Variants in ASIC2 observed in about 807,000 individuals in gnomAD.
ASIC2 encodes acid-sensing ion channel 2.
Under a neutral mutation model 57.3 loss-of-function variants are expected in ASIC2, and 25 were observed. That is an observed-to-expected ratio of 0.44 (90% CI 0.32 to 0.61). ASIC2 has a LOEUF of 0.61. ASIC2 is among the 20% of genes least tolerant of loss of function. ASIC2 has a pLI of 0.06. For missense variants in ASIC2, 641 were observed against 738.1 expected, an observed-to-expected ratio of 0.87 and a Z score of 1.52; for synonymous variants, 319 against 307.5, an observed-to-expected ratio of 1.04 and a Z score of -0.39.
intron 1 of ASIC2, among the ~76,000 whole-genome samples, chr17:33,836,670 T>A (rs1052367370): frequency 6.6e-6 from 1 of 151,886 alleles, no homozygotes; most frequent in Non-Finnish European, 1.5e-5. Context: ...TTGACCAACA[T>A]GGTGAAACGC....
intron 1 of ASIC2, among the ~76,000 whole-genome samples, chr17:33,632,848 T>G (rs1906218890): frequency 6.6e-6 from 1 of 152,194 alleles, no homozygotes; most frequent in South Asian, 2.1e-4. Context: ...TTATGTTGCA[T>G]TTACTTTCTA....
At chr17:34,092,771 G>T (rs1342723553) in intron 1 of ASIC2, among the ~76,000 whole-genome samples, 1 of 152,094 alleles carries the variant, frequency 6.6e-6, no homozygotes, top group African/African-American at 2.4e-5. Flanking sequence ...TATAGCTGAA[G>T]CCCTCCATGG....
At chr17:33,967,009 T>C (rs1315377056) in intron 1 of ASIC2, among the ~76,000 whole-genome samples, 2 of 151,974 alleles carry the variant, frequency 1.3e-5, no homozygotes, top group African/African-American at 4.8e-5. Context: ...CAGTGACACC[T>C]CACACTCTAT....
intron 1 of ASIC2, among the ~76,000 whole-genome samples, chr17:34,114,302 G>C (rs1454211935): frequency 6.6e-6 from 1 of 152,174 alleles, no homozygotes; most frequent in African/African-American, 2.4e-5. Context: ...TTGGCTCATA[G>C]CAAAGGGAGG....
Position 33,804,889 on chromosome 17 carries a change from T to C in ASIC2, c.555+351089A>G, listed in dbSNP as rs549945381. ...TTTTGCATTTGTTTTTGATCTCTCT[T>C]TTTTTTTTTAATTAACTCAGGTCAT... On this transcript the variant is annotated intron_variant, in intron 1 of 9. Transcript: ENST00000359872. Among the ~76,000 whole-genome samples, 83 of 123,740 alleles carry C rather than the reference T, an allele frequency of 6.7e-4. 1 individual carries two copies. The highest frequency in any genetic ancestry group is 3.7e-3 in the Middle Eastern group (1 of 268). The allele number at this position is 123,740 out of a possible 152,430, so 81.2% of individuals were successfully genotyped here. A position where few individuals can be genotyped will look rare whatever the true frequency, so the allele number is the denominator to read the frequency against.
intron 1 of ASIC2, among the ~76,000 whole-genome samples, chr17:33,592,682 C>T: frequency 6.6e-6 from 1 of 151,898 alleles, no homozygotes; most frequent in South Asian, 2.1e-4. Context: ...AGCAGGAAAT[C>T]TCTACCCCGG....
At chr17:34,039,665 A>G (rs531596242) in intron 1 of ASIC2, 240 of 1,612,588 alleles carry the variant, frequency 1.5e-4, no homozygotes, top group Middle Eastern at 1.7e-4. Flanking sequence ...CTACTTTCAT[A>G]TGGTTCAGCT....
At chr17:33,445,690 G>A (rs931212034) in intron 1 of ASIC2, among the ~76,000 whole-genome samples, 9 of 151,788 alleles carry the variant, frequency 5.9e-5, no homozygotes, top group Non-Finnish European at 1.2e-4. Flanking sequence ...CCAGCTACTC[G>A]AGAGGCTGAG....
At chr17:33,885,272 C>G (rs547098021) in intron 1 of ASIC2, among the ~76,000 whole-genome samples, 6 of 152,136 alleles carry the variant, frequency 3.9e-5, no homozygotes, top group African/African-American at 1.4e-4. Flanking sequence ...AAAGTCTATA[C>G]TTTTCTCTGT....
intron 1 of ASIC2, among the ~76,000 whole-genome samples, chr17:33,578,755 C>A (rs1302848549): frequency 1.3e-5 from 2 of 151,708 alleles, no homozygotes; most frequent in African/African-American, 2.4e-5. Flanking sequence ...TTCAATACAG[C>A]CCCACCTGGA....
At chr17:33,574,849 C>G (rs1391207115) in intron 1 of ASIC2, among the ~76,000 whole-genome samples, 1 of 102,664 alleles carries the variant, frequency 9.7e-6, no homozygotes, top group Non-Finnish European at 1.9e-5. Flanking sequence ...GTCTCTGTTT[C>G]TATTTTTTTT....
At chr17:33,228,717 C>T (rs1038660911) in intron 1 of ASIC2, among the ~76,000 whole-genome samples, 19 of 152,252 alleles carry the variant, frequency 1.2e-4, no homozygotes, top group Non-Finnish European at 2.1e-4. Context: ...ATGTTGACAT[C>T]GGCCTCCTGC....
chr17:33,389,929 A>G (rs1002127437), intron 1 of ASIC2, among the ~76,000 whole-genome samples: 1 of 152,076 alleles, frequency 6.6e-6, no homozygotes, highest in Admixed American at 6.5e-5. Flanking sequence ...CGAATGACCA[A>G]CTCTGTGCTG....
At chr17:33,530,942 T>C (rs1915032316) in intron 1 of ASIC2, among the ~76,000 whole-genome samples, 1 of 152,216 alleles carries the variant, frequency 6.6e-6, no homozygotes, top group African/African-American at 2.4e-5. Flanking sequence ...AAGAACTTGC[T>C]GAGTTAGCTA....
chr17:34,052,371 T>A (rs986849871), intron 1 of ASIC2, among the ~76,000 whole-genome samples: 46 of 152,330 alleles, frequency 3.0e-4, no homozygotes, highest in African/African-American at 1.0e-3. Flanking sequence ...ATAACATTCC[T>A]GTGACTGGGA....
At chr17:33,064,312 T>C (rs934140070) in intron 3 of ASIC2, among the ~76,000 whole-genome samples, 6 of 152,240 alleles carry the variant, frequency 3.9e-5, no homozygotes, top group African/African-American at 1.4e-4. Context: ...TGGTGTTTGA[T>C]GATGGTGACG....
chr17:33,320,021 TG>T (rs1371637099), intron 1 of ASIC2, among the ~76,000 whole-genome samples: 1 of 152,172 alleles, frequency 6.6e-6, no homozygotes, highest in East Asian at 1.9e-4. Context: ...AAGTAATTCA[TG>T]TGCAACCTGG....
At chr17:34,069,897 C>T (rs1339087314) in intron 1 of ASIC2, 1 of 152,062 alleles carries the variant, frequency 6.6e-6, no homozygotes, top group East Asian at 1.9e-4. Context: ...GACCATAAAC[C>T]GTCTGCTTGA....
In ASIC2 at chr17:33,592,114, G is replaced by A. The variant is rs146874491; in HGVS notation, c.556-480047C>T. 5.6e-4 allele frequency among the ~76,000 whole-genome samples: 86 copies of A among 152,284 alleles called. No homozygotes were observed. The Middle Eastern group carries it at 0.02, about 36-fold the overall frequency. On this transcript the variant is annotated intron_variant, in intron 1 of 9. Coordinates refer to the ASIC2 transcript ENST00000359872. The stretch of plus-strand genomic sequence containing the variant: ...GGACTCGTGCCAGGTACTGTGGTGC[G>A]CACTGAGGACACACCAGCACACAAG...
Sources: gnomAD v4.1 joint callset for allele counts (sites outside exome capture counted in the v4.1 genomes callset) on GRCh38, gnomAD v4.1.1 for gene constraint, MANE v1.5 for transcripts, NCBI Gene and HGNC (gene_info 2026-07-23, HGNC 2026-07-21) for gene names.